Variants in EYS observed in about 807,000 individuals in gnomAD.
The protein encoded by EYS is protein eyes shut homolog.
Under a neutral mutation model 282.1 loss-of-function variants are expected in EYS, and 250 were observed. That is an observed-to-expected ratio of 0.89 (90% confidence interval 0.80 to 0.98). The LOEUF is 0.98. Among genes scored for constraint, EYS ranks in the 50% least tolerant of loss-of-function variants. The pLI, the probability that EYS is intolerant of heterozygous loss-of-function variation, is 0.00. For synonymous variants in EYS, 1,355 were observed against 1,282.9 expected (o/e 1.06, Z -1.20); for missense variants, 4,016 against 3,709.0 (o/e 1.08, Z -2.15).
chr6:64,666,133 A>G lies in EYS; in HGVS notation c.3444-39888T>C, dbSNP rs1769222191. ...GAGGGAGAGGAGCAGAAAAATAACTATCGAGGACTGAGCTTAATACCTGGC... is the reference window on the plus strand; with the variant it reads ...GAGGGAGAGGAGCAGAAAAATAACTGTCGAGGACTGAGCTTAATACCTGGC... On this transcript the variant is annotated intron_variant, in intron 22 of 42. Transcript: ENST00000503581. Among the ~76,000 whole-genome samples, 3 of 152,286 alleles carry G rather than the reference A, an allele frequency of 2.0e-5. No homozygotes were observed. In the East Asian group the frequency reaches 5.8e-4, roughly 29 times the overall value.
At chr6:64,461,723 A>G (rs1181879874) in intron 26 of EYS, among the ~76,000 whole-genome samples, 1 of 152,222 alleles carries the variant, frequency 6.6e-6, no homozygotes, top group Non-Finnish European at 1.5e-5. Flanking sequence ...TTTACTCAGA[A>G]GACCTAGTTT....
At chr6:64,654,170 T>C (rs188400546) in intron 22 of EYS, among the ~76,000 whole-genome samples, 109 of 152,310 alleles carry the variant, frequency 7.2e-4, no homozygotes, top group African/African-American at 2.5e-3. Context: ...GTTTTCTGTT[T>C]CTACTAGAGC....
intron 5 of EYS, among the ~76,000 whole-genome samples, chr6:65,473,238 G>T (rs1765281551): frequency 6.6e-6 from 1 of 151,902 alleles, no homozygotes; most frequent in Admixed American, 6.6e-5. Context: ...AGATAAATTT[G>T]ATATGTCATT....
rs544474312 is a variant in EYS at position 64,638,553 on chromosome 6, G to A, written c.3444-12308C>T. Among the ~76,000 whole-genome samples, 26 of 91,066 alleles carry A rather than the reference G, an allele frequency of 2.9e-4. 8 individuals are homozygous for A. The highest frequency in any genetic ancestry group is 6.2e-4 in the Non-Finnish European group (26 of 42,142). 59.7% of individuals were successfully genotyped at this position (91,066 alleles called of 152,430 possible). A position where few individuals can be genotyped will look rare whatever the true frequency, so the allele number is the denominator to read the frequency against. Reference sequence around the variant, plus strand: ...TTCATTTTCTTTTAATTTTTAACATGTGTCTTTTTCATTATTTGGGAGAGT... The same window carrying A: ...TTCATTTTCTTTTAATTTTTAACATATGTCTTTTTCATTATTTGGGAGAGT... On this transcript the variant is annotated intron_variant, in intron 22 of 42. Transcript: ENST00000503581.
At chr6:65,636,077 C>A (rs771857339) in intron 2 of EYS, among the ~76,000 whole-genome samples, 1 of 152,138 alleles carries the variant, frequency 6.6e-6, no homozygotes. Flanking sequence ...ATTTATGCAG[C>A]GGGCAGGAAG....
At chr6:64,395,165 C>T (rs1295136010) in intron 28 of EYS, among the ~76,000 whole-genome samples, 2 of 151,952 alleles carry the variant, frequency 1.3e-5, no homozygotes, top group African/African-American at 4.8e-5. Context: ...GAAATAGGAA[C>T]ACTTTTACAC....
At chr6:65,312,622 T>C (rs1769190204) in intron 11 of EYS, among the ~76,000 whole-genome samples, 1 of 152,172 alleles carries the variant, frequency 6.6e-6, no homozygotes, top group African/African-American at 2.4e-5. Context: ...CCAGATAAAA[T>C]GCCCAAATTG....
chr6:64,910,079 T>A (rs1767946817), intron 16 of EYS, among the ~76,000 whole-genome samples: 1 of 152,148 alleles, frequency 6.6e-6, no homozygotes, highest in Non-Finnish European at 1.5e-5. Context: ...TTTCTACTCT[T>A]ACGACCTGTC....
intron 33 of EYS, among the ~76,000 whole-genome samples, chr6:64,061,101 G>T (rs1003703556): frequency 5.9e-5 from 9 of 152,120 alleles, no homozygotes; most frequent in African/African-American, 2.2e-4. Context: ...AAATCTTTGA[G>T]GAAATGTTCT....
intron 1 of EYS, among the ~76,000 whole-genome samples, chr6:65,647,382 C>A (rs910521639): frequency 6.6e-6 from 1 of 152,096 alleles, no homozygotes; most frequent in African/African-American, 2.4e-5. Context: ...GCCAACTGAT[C>A]TTTGACAAAG....
At chr6:64,774,635 T>C (rs546941307) in intron 22 of EYS, among the ~76,000 whole-genome samples, 17 of 152,050 alleles carry the variant, frequency 1.1e-4, no homozygotes, top group African/African-American at 3.9e-4. Context: ...TATGTATAAA[T>C]TATAGTTCCT....
chr6:64,591,319 G>A lies in EYS; in HGVS notation c.4548C>T (p.Phe1516=), dbSNP rs760828939. The change falls in exon 26 of 43, where the codon TTC becomes TTT. Residue 1516 remains phenylalanine (F), a synonymous_variant. Coordinates refer to ENST00000503581, the MANE Select transcript of EYS (RefSeq NM_001142800.2). ...CACTGGGATTGAAGGCTTTTGTACT[G>A]AACCGGTGCAGAGCTGATGAGTTTA... ...TILNSSALHR[F]STKAFNPSEY... The A allele has an allele frequency of 1.9e-6, 3 of 1,551,324 alleles. No homozygotes were observed. Among genetic ancestry groups the A allele is most frequent in the South Asian group, 1.2e-5 (1 of 84,054 alleles).
chr6:65,671,231 A>G (rs1436237019), intron 1 of EYS, among the ~76,000 whole-genome samples: 1 of 152,106 alleles, frequency 6.6e-6, no homozygotes, highest in Non-Finnish European at 1.5e-5. Flanking sequence ...TCTTGTTTCA[A>G]TCATGAAACA....
At chr6:65,104,498 T>G (rs1434859281) in intron 12 of EYS, among the ~76,000 whole-genome samples, 2 of 151,522 alleles carry the variant, frequency 1.3e-5, no homozygotes, top group Non-Finnish European at 3.0e-5. Context: ...ATGCAGATGT[T>G]GAAAAGTTTT....
chr6:64,276,648 A>C (rs951189881), intron 30 of EYS, among the ~76,000 whole-genome samples: 5 of 152,188 alleles, frequency 3.3e-5, no homozygotes, highest in Non-Finnish European at 2.9e-5. Flanking sequence ...CAAGGCTTTC[A>C]AAAAGTCAGT....
intron 41 of EYS, among the ~76,000 whole-genome samples, chr6:63,743,096 T>A (rs1769125330): frequency 6.6e-6 from 1 of 152,250 alleles, no homozygotes; most frequent in Admixed American, 6.5e-5. Flanking sequence ...ACCAACAATA[T>A]GTGAGGGATC....
chr6:65,141,000 C>T (rs2150208632), intron 12 of EYS, among the ~76,000 whole-genome samples: 1 of 151,582 alleles, frequency 6.6e-6, no homozygotes, highest in Admixed American at 6.6e-5. Flanking sequence ...GGGTATAGAC[C>T]CAAAGGACTA....
chr6:65,574,437 T>C (rs181582062), intron 2 of EYS, among the ~76,000 whole-genome samples: 33 of 152,262 alleles, frequency 2.2e-4, no homozygotes, highest in Non-Finnish European at 4.0e-4. Flanking sequence ...GGAAAAGATA[T>C]TCTATGCAAG....
intron 31 of EYS, among the ~76,000 whole-genome samples, chr6:64,166,418 C>T (rs1035563595): frequency 6.6e-6 from 1 of 152,264 alleles, no homozygotes; most frequent in Non-Finnish European, 1.5e-5. Flanking sequence ...GCAGCAGTCA[C>T]ACATTTAATC....
Sources: allele counts gnomAD v4.1 joint callset (sites outside exome capture counted in the v4.1 genomes callset), GRCh38; gene constraint gnomAD v4.1.1; transcripts MANE v1.5; gene names NCBI Gene and HGNC (gene_info 2026-07-23, HGNC 2026-07-21).